The following PDE3A variants were observed in gnomAD, a reference collection of about 807,000 sequenced individuals.
PDE3A encodes cGMP-inhibited 3',5'-cyclic phosphodiesterase 3A.
Under a neutral mutation model 98.3 loss-of-function variants are expected in PDE3A, and 43 were observed. That is an observed-to-expected ratio of 0.44 (90% CI 0.34 to 0.56). The LOEUF (loss-of-function observed/expected upper bound fraction) is 0.56, where lower values mean the gene tolerates loss of function less well. PDE3A is among the 20% of genes least tolerant of loss of function. PDE3A has a pLI of 0.01. For synonymous variants in PDE3A, 663 were observed against 567.9 expected (o/e 1.17, Z -2.38); for missense variants, 1,427 against 1,440.7 (o/e 0.99, Z 0.15).
chr12:20,566,729 C>A (rs190182739), intron 2 of PDE3A, among the ~76,000 whole-genome samples: 1 of 151,906 alleles, frequency 6.6e-6, no homozygotes, highest in East Asian at 1.9e-4. Context: ...ATAGAAAAGA[C>A]CATCTCATGA....
At chr12:20,669,390 A>G (rs1250948921) in intron 15 of PDE3A, among the ~76,000 whole-genome samples, 1 of 151,912 alleles carries the variant, frequency 6.6e-6, no homozygotes, top group East Asian at 1.9e-4. Flanking sequence ...TCCAAGACAC[A>G]TAATTGTCAG....
chr12:20,451,953 C>A (rs972755381), intron 1 of PDE3A, among the ~76,000 whole-genome samples: 4 of 152,208 alleles, frequency 2.6e-5, no homozygotes, highest in African/African-American at 9.6e-5. Flanking sequence ...GTAGCCCTGA[C>A]TCACTGGCTC....
At chr12:20,384,209 T>C (rs562757021) in intron 1 of PDE3A, among the ~76,000 whole-genome samples, 1 of 151,694 alleles carries the variant, frequency 6.6e-6, no homozygotes, top group East Asian at 2.0e-4. Flanking sequence ...TTCTCTAATT[T>C]TATCTTCTGC....
At chr12:20,597,333 C>A (rs1943488056) in intron 2 of PDE3A, among the ~76,000 whole-genome samples, 1 of 152,080 alleles carries the variant, frequency 6.6e-6, no homozygotes, top group South Asian at 2.1e-4. Context: ...GCTAGAAAGC[C>A]TTGAAGTCCA....
At position 20,435,765 on chromosome 12, in the gene PDE3A, T is replaced by C. The variant is rs145579390; in HGVS notation, c.960+65521T>C. On this transcript the variant is annotated intron_variant, in intron 1 of 15. Coordinates refer to ENST00000359062, the MANE Select transcript of PDE3A (RefSeq NM_000921.5). ...ATGCTCAGTTGTTTTTATACTGTCA[T>C]ACAGGCACAAAGCTAGGGGTGATTA... is the stretch of plus-strand genomic sequence containing the variant. Among the ~76,000 whole-genome samples, 596 of 152,296 alleles carry C rather than the reference T, an allele frequency of 3.9e-3. 6 individuals carry two copies. Among genetic ancestry groups the C allele is most frequent in the African/African-American group, 0.013 (544 of 41,562 alleles).
chr12:20,396,930 A>G (rs1944030487), intron 1 of PDE3A, among the ~76,000 whole-genome samples: 1 of 152,014 alleles, frequency 6.6e-6, no homozygotes, highest in Non-Finnish European at 1.5e-5. Flanking sequence ...GAATTAGTCA[A>G]ATCCCTGCTC....
chr12:20,621,494 G>A, intron 5 of PDE3A, 83 bp downstream of exon 5: 1 of 743,950 alleles, frequency 1.3e-6, no homozygotes, highest in South Asian at 1.5e-5. Context: ...GAAATATTCT[G>A]AGGGTGCCCT....
intron 1 of PDE3A, among the ~76,000 whole-genome samples, chr12:20,425,517 T>C (rs1469420275): frequency 6.6e-6 from 1 of 152,194 alleles, no homozygotes; most frequent in African/African-American, 2.4e-5. Flanking sequence ...AAAATTGATA[T>C]TTAAAAAGAG....
chr12:20,637,943 TAA>T (rs1944556596), intron 9 of PDE3A, among the ~76,000 whole-genome samples: 1 of 152,252 alleles, frequency 6.6e-6, no homozygotes, highest in African/African-American at 2.4e-5. Context: ...CTTAATTAAA[TAA>T]AGAGGATGGT....
At chr12:20,565,867 C>T (rs905387869) in intron 2 of PDE3A, among the ~76,000 whole-genome samples, 2 of 151,846 alleles carry the variant, frequency 1.3e-5, no homozygotes, top group African/African-American at 4.8e-5. Context: ...TTTACAGCCA[C>T]TCTAGGGAAC....
At chr12:20,583,586 AACTT>A (rs1365834504) in intron 2 of PDE3A, among the ~76,000 whole-genome samples, 2 of 152,182 alleles carry the variant, frequency 1.3e-5, no homozygotes, top group African/African-American at 4.8e-5. Context: ...GACCTTGGGC[AACTT>A]ACTTAAACTC....
intron 1 of PDE3A, among the ~76,000 whole-genome samples, chr12:20,509,269 G>A (rs1946174156): frequency 6.6e-6 from 1 of 152,068 alleles, no homozygotes. Flanking sequence ...AGGACCCATA[G>A]CATGATATTC....
At chr12:20,453,157 G>A (rs1488256799) in intron 1 of PDE3A, among the ~76,000 whole-genome samples, 1 of 147,276 alleles carries the variant, frequency 6.8e-6, no homozygotes, top group African/African-American at 2.5e-5. Flanking sequence ...GGTTTTGGAT[G>A]ACAAACTTGA....
intron 1 of PDE3A, among the ~76,000 whole-genome samples, chr12:20,458,707 G>A (rs1405421261): frequency 1.3e-5 from 2 of 152,124 alleles, no homozygotes; most frequent in Non-Finnish European, 2.9e-5. Flanking sequence ...TACTTGTCTG[G>A]TAGATAGGAA....
chr12:20,408,370 T>C (rs1056706803), intron 1 of PDE3A, among the ~76,000 whole-genome samples: 5 of 152,198 alleles, frequency 3.3e-5, no homozygotes, highest in African/African-American at 1.2e-4. Flanking sequence ...CTGCATACCT[T>C]AAATAAAAGC....
intron 15 of PDE3A, among the ~76,000 whole-genome samples, chr12:20,677,022 CATTATT>C (rs1018384580): frequency 6.6e-6 from 1 of 152,056 alleles, no homozygotes; most frequent in Non-Finnish European, 1.5e-5. Context: ...AAGCTTTGTT[CATTATT>C]ATTATTTTTT....
chr12:20,595,639 T>C (rs1943448572), intron 2 of PDE3A, among the ~76,000 whole-genome samples: 1 of 152,160 alleles, frequency 6.6e-6, no homozygotes. Context: ...AGAGATAATA[T>C]AGCAAGTTTA....
At position 20,683,280 on chromosome 12, in the gene PDE3A, T is replaced by G. The variant is rs954522789; in HGVS notation, c.*3009T>G. 1.3e-5 allele frequency: 2 copies of G among 152,156 alleles called. No individual in the cohort carries two copies. The highest frequency in any genetic ancestry group is 6.6e-5 in the Admixed American group (1 of 15,266). The allele number at this position is 152,156 out of a possible 1,614,324, so 9.4% of individuals were successfully genotyped here. A position where few individuals can be genotyped will look rare whatever the true frequency, so the allele number is the denominator to read the frequency against. On this transcript the variant is annotated 3_prime_UTR_variant, in exon 16 of 16. Transcript: ENST00000359062. The stretch of plus-strand genomic sequence containing the variant: ...CAATATTATTATGTTCACATCTAAC[T>G]CCAGAGCTTACTTCCTGTGGTGCCA...
chr12:20,665,260 A>G (rs566187258), intron 15 of PDE3A, among the ~76,000 whole-genome samples: 9 of 152,232 alleles, frequency 5.9e-5, no homozygotes, highest in Non-Finnish European at 1.3e-4. Context: ...ATTTTGGTAC[A>G]TATCAGGTGA....
Sources: allele counts gnomAD v4.1 joint callset (sites outside exome capture counted in the v4.1 genomes callset), GRCh38; gene constraint gnomAD v4.1.1; transcripts MANE v1.5; gene names NCBI Gene and HGNC (gene_info 2026-07-23, HGNC 2026-07-21).